EML1: variants seen among roughly 807,000 people sequenced by gnomAD.
EML1 encodes the protein EMAP like 1, also known as echinoderm microtubule-associated protein-like 1.
In EML1, 27 loss-of-function variants were observed where a neutral mutation model predicts 110.4. The observed-to-expected ratio is 0.24, with a 90% confidence interval of 0.18 to 0.34. EML1 has a LOEUF of 0.34. Ranked by LOEUF, EML1 falls within the 10% of genes least tolerant of loss-of-function variation. The pLI is 1.00. For synonymous variants in EML1, 344 were observed against 385.8 expected, an observed-to-expected ratio of 0.89 and a Z score of 1.27; for missense variants, 741 against 1,030.9, an observed-to-expected ratio of 0.72 and a Z score of 3.85.
intron 1 of EML1, among the ~76,000 whole-genome samples, chr14:99,814,118 A>C (rs192219580): frequency 8.7e-4 from 133 of 152,286 alleles, no homozygotes; most frequent in African/African-American, 3.0e-3. Flanking sequence ...TTTCCCCAAC[A>C]CTAAAACATG....
chr14:99,787,113 G>A (rs540281358), intron 1 of EML1, among the ~76,000 whole-genome samples: 1 of 152,240 alleles, frequency 6.6e-6, no homozygotes, highest in African/African-American at 2.4e-5. Context: ...GTTGGAGGCC[G>A]CAGAGTTGAA....
At chr14:99,798,719 TA>T (rs2057821402) in intron 1 of EML1, among the ~76,000 whole-genome samples, 1 of 152,212 alleles carries the variant, frequency 6.6e-6, no homozygotes, top group Admixed American at 6.5e-5. Flanking sequence ...AGCCTAAGGT[TA>T]TATAGACTCC....
At chr14:99,793,084 C>T (rs932629654), upstream of EML1, among the ~76,000 whole-genome samples, 2 of 151,194 alleles carry the variant, frequency 1.3e-5, no homozygotes, top group Admixed American at 1.3e-4. Context: ...CGCCCCGCAG[C>T]CCCTGAGCCC....
At chr14:99,783,760 G>A (rs2057568863) in intron 1 of EML1, among the ~76,000 whole-genome samples, 2 of 152,220 alleles carry the variant, frequency 1.3e-5, no homozygotes, top group Admixed American at 1.3e-4. Flanking sequence ...TGGGATTATA[G>A]GCGTGAGCCA....
At chr14:99,803,319 C>G (rs1345419290) in intron 1 of EML1, among the ~76,000 whole-genome samples, 1 of 152,242 alleles carries the variant, frequency 6.6e-6, no homozygotes, top group Non-Finnish European at 1.5e-5. Flanking sequence ...GTGCTTGAAA[C>G]AACGTGTATC....
At chr14:99,798,350 A>G (rs1209646487) in intron 1 of EML1, among the ~76,000 whole-genome samples, 1 of 150,426 alleles carries the variant, frequency 6.6e-6, no homozygotes, top group African/African-American at 2.5e-5. Flanking sequence ...CACAAAGAAG[A>G]TTAGAATTGG....
chr14:99,939,402 G>T lies in EML1; in HGVS notation c.2322+75G>T. 1 of 1,584,462 alleles carries T rather than the reference G, an allele frequency of 6.3e-7. No individual in the cohort carries two copies. The highest frequency in any genetic ancestry group is 8.6e-7 in the Non-Finnish European group (1 of 1,162,778). On this transcript the variant is annotated intron_variant, in intron 21 of 21. Transcript: ENST00000262233. The surrounding 1 kb of genome is among the most constrained non-coding windows in gnomAD (Gnocchi z 4.2). ...TACACCCGACCTGTTTGGAGACTAAGTGGAAATGGGCTGTGAGCGACTGCT... is the reference window on the plus strand; with the variant it reads ...TACACCCGACCTGTTTGGAGACTAATTGGAAATGGGCTGTGAGCGACTGCT...
intron 1 of EML1, among the ~76,000 whole-genome samples, chr14:99,832,900 T>C (rs758888485): frequency 1.3e-5 from 2 of 152,208 alleles, no homozygotes; most frequent in Non-Finnish European, 2.9e-5. Flanking sequence ...AAAAAATAAT[T>C]TCAACTTTTA....
rs116618545 is a variant in EML1 at position 99,811,429 on chromosome 14, G to A, written c.67+17886G>A. On this transcript the variant is annotated intron_variant, in intron 1 of 21. Transcript: ENST00000262233. ...AACCTTACCAATAATACAAGCAGTC[G>A]ATTAACACATATTTTGTATGTTATA... 4.3e-3 allele frequency among the ~76,000 whole-genome samples: 651 copies of A among 150,280 alleles called. 6 individuals are homozygous for A. Among genetic ancestry groups the A allele is most frequent in the African/African-American group, 0.015 (617 of 41,354 alleles).
chr14:99,766,692 A>C (rs1249316183), intron 1 of EML1, among the ~76,000 whole-genome samples: 1 of 152,218 alleles, frequency 6.6e-6, no homozygotes, highest in East Asian at 1.9e-4. Context: ...TCTCTTGGAA[A>C]ATGTTAAATG....
chr14:99,826,277 T>C (rs562520520), intron 1 of EML1, among the ~76,000 whole-genome samples: 1 of 152,150 alleles, frequency 6.6e-6, no homozygotes, highest in East Asian at 1.9e-4. Context: ...CACGCCCTGC[T>C]AATTTTTGTA....
At chr14:99,785,321 T>C (rs1341767356) in intron 1 of EML1, among the ~76,000 whole-genome samples, 1 of 152,154 alleles carries the variant, frequency 6.6e-6, no homozygotes, top group Non-Finnish European at 1.5e-5. Flanking sequence ...TCCCAAAGTG[T>C]TGGGATTACA....
intron 9 of EML1, chr14:99,907,015 T>G (rs2059859233): frequency 6.6e-6 from 1 of 152,402 alleles, no homozygotes; most frequent in Non-Finnish European, 1.5e-5. Flanking sequence ...CCATGCCTGC[T>G]GCAGGCACTG....
chr14:99,745,132 C>A (rs1326699014), intron 1 of EML1, among the ~76,000 whole-genome samples: 3 of 152,088 alleles, frequency 2.0e-5, no homozygotes, highest in Non-Finnish European at 2.9e-5. Context: ...AGTGGCACAT[C>A]TCGGCTCACT....
chr14:99,934,562 G>T (rs116641241), intron 17 of EML1, among the ~76,000 whole-genome samples: 2 of 152,234 alleles, frequency 1.3e-5, no homozygotes, highest in Non-Finnish European at 1.5e-5. Flanking sequence ...GCCTGTGAGC[G>T]CAAGGCCCTG....
rs1195520649 is a variant in EML1, at chr14:99,914,321, C to T, written c.1620+17C>T. The T allele has an allele frequency of 1.3e-6, 2 of 1,599,488 alleles. No individual in the cohort carries two copies. The highest frequency in any genetic ancestry group is 1.7e-6 in the Non-Finnish European group (2 of 1,168,916). On this transcript the variant is annotated intron_variant, in intron 14 of 21. Transcript: ENST00000262233. ...ATTACTCAGGTACGATCCCACTCAG[C>T]AGGCCCGGCAAACACTCTCATTTTG...
chr14:99,918,287 C>T (rs2060068350), intron 16 of EML1, among the ~76,000 whole-genome samples: 1 of 152,160 alleles, frequency 6.6e-6, no homozygotes, highest in African/African-American at 2.4e-5. Context: ...TGTAGAGACG[C>T]AGGTCTCACT....
intron 17 of EML1, among the ~76,000 whole-genome samples, chr14:99,934,591 G>A (rs2060434331): frequency 6.6e-6 from 1 of 152,246 alleles, no homozygotes; most frequent in South Asian, 2.1e-4. Context: ...TTGTCCAAGT[G>A]GAGCCTCCCG....
At chr14:99,917,873 G>A (rs2060060372) in intron 16 of EML1, 24 bp downstream of exon 16, 1 of 1,612,950 alleles carries the variant, frequency 6.2e-7, no homozygotes, top group African/African-American at 1.3e-5. Flanking sequence ...AACAGCGCTT[G>A]TGCTTGCAAA....
Sources: gnomAD v4.1 joint callset for allele counts (sites outside exome capture counted in the v4.1 genomes callset) on GRCh38, gnomAD v4.1.1 for gene constraint, Gnocchi (gnomAD v3.1) non-coding constraint, MANE v1.5 for transcripts, NCBI Gene and HGNC (gene_info 2026-07-23, HGNC 2026-07-21) for gene names.